NR5A2: variants seen among roughly 807,000 people sequenced by gnomAD.
NR5A2 encodes the protein CYP7A promoter-binding factor.
NR5A2 carries 26 observed loss-of-function variants against 62.7 expected under a neutral mutation model. The ratio of observed to expected loss-of-function variants is 0.41; its 90% CI spans 0.30 to 0.58. NR5A2 has a LOEUF of 0.58. NR5A2 is among the 20% of genes least tolerant of loss of function. The pLI, the probability that NR5A2 is intolerant of heterozygous loss-of-function variation, is 0.22. For missense variants in NR5A2, 541 were observed against 669.1 expected (o/e 0.81, Z 2.11); for synonymous variants, 246 against 241.7 (o/e 1.02, Z -0.16).
At chr1:200,139,476 G>A (rs1470309194) in intron 7 of NR5A2, among the ~76,000 whole-genome samples, 1 of 152,178 alleles carries the variant, frequency 6.6e-6, no homozygotes, top group East Asian at 1.9e-4. Flanking sequence ...TATGAAAAGT[G>A]TTGTCTATTT....
chr1:200,084,572 A>G (rs962379845), intron 5 of NR5A2, among the ~76,000 whole-genome samples: 1 of 152,170 alleles, frequency 6.6e-6, no homozygotes, highest in African/African-American at 2.4e-5. Context: ...TAAGAATAAT[A>G]TTTTCCATAT....
chr1:200,067,276 G>A (rs1042693667), intron 5 of NR5A2, among the ~76,000 whole-genome samples: 1 of 152,146 alleles, frequency 6.6e-6, no homozygotes, highest in East Asian at 1.9e-4. Flanking sequence ...GTGGGAGCTC[G>A]CTGAGCGCGG....
intron 5 of NR5A2, among the ~76,000 whole-genome samples, chr1:200,062,257 GTATCTGTGTCCA>G (rs1663263372): frequency 6.6e-6 from 1 of 151,486 alleles, no homozygotes; most frequent in African/African-American, 2.4e-5. Flanking sequence ...GTGTGTGTGT[GTATCTGTGTCCA>G]TGTGTGTATC....
chr1:200,149,690 G>C (rs1422410125), intron 7 of NR5A2, among the ~76,000 whole-genome samples: 1 of 152,192 alleles, frequency 6.6e-6, no homozygotes, highest in Non-Finnish European at 1.5e-5. Flanking sequence ...TACGCCAGCA[G>C]TGTGTGTGCA....
chr1:200,058,209 A>T (rs1160984215), intron 5 of NR5A2: 1 of 152,208 alleles, frequency 6.6e-6, no homozygotes, highest in Non-Finnish European at 1.5e-5. Flanking sequence ...CTGGCCTTTC[A>T]TCAATGGTTC....
chr1:200,118,806 T>C (rs894501628), intron 6 of NR5A2, among the ~76,000 whole-genome samples: 6 of 152,260 alleles, frequency 3.9e-5, no homozygotes, highest in Admixed American at 3.9e-4. Context: ...GACGTCACTT[T>C]GTGTGCTCTG....
Position 200,048,636 on chromosome 1 carries a change from A to C in NR5A2, c.928A>C (p.Lys310Gln). The C allele has an allele frequency of 6.2e-7, 1 of 1,614,122 alleles. No individual in the cohort carries two copies. The highest frequency in any genetic ancestry group is 8.5e-7 in the Non-Finnish European group (1 of 1,180,030). ...CCCACATCTGATACTGGAACTTTTGAAGTGTGAGCCAGATGAGCCTCAAGT... is the reference window on the plus strand; with the variant it reads ...CCCACATCTGATACTGGAACTTTTGCAGTGTGAGCCAGATGAGCCTCAAGT... ...SIPHLILELL[K>Q]CEPDEPQVQA... The change falls in exon 5 of 8, where the codon AAG becomes CAG. Residue 310 changes from lysine (K) to glutamine (Q), a missense_variant. Physicochemically the swap from Lys to Gln is moderately conservative, Grantham distance 53 (BLOSUM62 1). Coordinates refer to ENST00000367362, the MANE Select transcript of NR5A2 (RefSeq NM_205860.3). This position sits in a 1 kb window ranked among gnomAD's most constrained non-coding sequence, Gnocchi z 4.8.
intron 5 of NR5A2, among the ~76,000 whole-genome samples, chr1:200,082,294 G>A (rs975792225): frequency 3.3e-5 from 5 of 152,094 alleles, no homozygotes; most frequent in Admixed American, 2.0e-4. Context: ...AAGATGAATA[G>A]GTTTACATTC....
intron 7 of NR5A2, among the ~76,000 whole-genome samples, chr1:200,159,814 G>A (rs1028624256): frequency 4.7e-5 from 7 of 149,460 alleles, no homozygotes; most frequent in Non-Finnish European, 9.0e-5. Context: ...ACCAGCACCC[G>A]GCTAATTTTT....
chr1:200,069,630 G>A (rs141985837), intron 5 of NR5A2, among the ~76,000 whole-genome samples: 21 of 152,292 alleles, frequency 1.4e-4, no homozygotes, highest in Non-Finnish European at 2.9e-4. Flanking sequence ...TTAGGAAACT[G>A]TGGGGTTTCC....
chr1:200,069,406 A>G (rs546768970), intron 5 of NR5A2, among the ~76,000 whole-genome samples: 1 of 152,162 alleles, frequency 6.6e-6, no homozygotes, highest in Admixed American at 6.5e-5. Flanking sequence ...GATTATAGGC[A>G]TGCACCACCA....
intron 7 of NR5A2, among the ~76,000 whole-genome samples, chr1:200,167,639 G>A (rs1435463162): frequency 6.6e-6 from 1 of 152,024 alleles, no homozygotes; most frequent in African/African-American, 2.4e-5. Context: ...CTTGCTTTTG[G>A]AACAAAATCC....
At chr1:200,156,629 C>A (rs1321786327) in intron 7 of NR5A2, among the ~76,000 whole-genome samples, 2 of 152,198 alleles carry the variant, frequency 1.3e-5, no homozygotes, top group African/African-American at 2.4e-5. Context: ...GAACTCCTGA[C>A]CTCGTGATCC....
At chr1:200,078,258 T>C (rs956256674) in intron 5 of NR5A2, among the ~76,000 whole-genome samples, 1 of 152,210 alleles carries the variant, frequency 6.6e-6, no homozygotes, top group Non-Finnish European at 1.5e-5. Context: ...TGGAAAGAGA[T>C]ACTCGTGTGT....
chr1:200,042,177 G>C (rs1388484098), intron 2 of NR5A2, among the ~76,000 whole-genome samples: 2 of 151,976 alleles, frequency 1.3e-5, no homozygotes, highest in Non-Finnish European at 2.9e-5. Flanking sequence ...ATTTCACGAA[G>C]GCAGGCTCCT....
At position 200,039,206 on chromosome 1, in the gene NR5A2, AGAG is replaced by A. The variant is rs1558096736; in HGVS notation, c.65-448_65-446del. On this transcript the variant is annotated intron_variant, in intron 1 of 7. Transcript: ENST00000367362. The surrounding 1 kb of genome is among the most constrained non-coding windows in gnomAD (Gnocchi z 5.1). ...GGGAGAGAGAAGGGAGGCGAGAGAA[AGAG>A]GAGAGAGACCCCTGCCGATCCTGAG... Among the ~76,000 whole-genome samples, 1 of 151,816 alleles carries A rather than the reference AGAG, an allele frequency of 6.6e-6. No individual in the cohort carries two copies. The highest frequency in any genetic ancestry group is 1.5e-5 in the Non-Finnish European group (1 of 67,936).
intron 5 of NR5A2, among the ~76,000 whole-genome samples, chr1:200,066,588 CTTTT>C (rs756874909): frequency 2.7e-5 from 3 of 113,130 alleles, no homozygotes; most frequent in East Asian, 2.3e-4. Flanking sequence ...AATTAATTAT[CTTTT>C]TTTTTTTTTT....
In NR5A2 at chr1:200,039,676, G is replaced by A. The variant is rs377663705; in HGVS notation, c.83G>A (p.Arg28Gln). The change falls in exon 2 of 8, where the codon CGA becomes CAA. Residue 28 changes from arginine to glutamine, a missense_variant. Coordinates refer to ENST00000367362, the MANE Select transcript of NR5A2 (RefSeq NM_205860.3). This position sits in a 1 kb window ranked among gnomAD's most constrained non-coding sequence, Gnocchi z 5.1. ...TGTCCAGGTGCTGGGCTTCCGGACC[G>A]ACACGGATCCCCCATCCCCGCCCGC... The part of the protein sequence containing the change: ...LTPIGAGLPD[R>Q]HGSPIPARGR... The A allele has an allele frequency of 5.5e-5, 89 of 1,610,470 alleles. No individual in the cohort carries two copies. The highest frequency in any genetic ancestry group is 7.0e-5 in the Non-Finnish European group (83 of 1,178,676).
intron 7 of NR5A2, among the ~76,000 whole-genome samples, chr1:200,128,686 G>T (rs1285542433): frequency 1.3e-5 from 2 of 152,128 alleles, no homozygotes; most frequent in Admixed American, 6.5e-5. Context: ...AGCTCCCTGG[G>T]GCAGGGCAGG....
Sources: allele counts gnomAD v4.1 joint callset (sites outside exome capture counted in the v4.1 genomes callset), GRCh38; gene constraint gnomAD v4.1.1; non-coding constraint Gnocchi (gnomAD v3.1); transcripts MANE v1.5; gene names NCBI Gene and HGNC (gene_info 2026-07-23, HGNC 2026-07-21).